The following C8orf34 variants were observed in gnomAD, a reference collection of about 807,000 sequenced individuals.
The protein encoded by C8orf34 is uncharacterized protein C8orf34.
In C8orf34, 65 loss-of-function variants were observed where a neutral mutation model predicts 68.3. The ratio of observed to expected loss-of-function variants is 0.95; its 90% CI spans 0.78 to 1.17. The LOEUF (loss-of-function observed/expected upper bound fraction) is 1.17, where lower values mean the gene tolerates loss of function less well. Among genes scored for constraint, C8orf34 ranks in the 50% most tolerant of loss-of-function variants. The pLI, the probability that C8orf34 is intolerant of heterozygous loss-of-function variation, is 0.00. For missense variants in C8orf34, 664 were observed against 655.4 expected (o/e 1.01, Z -0.14); for synonymous variants, 244 against 241.2 (o/e 1.01, Z -0.11).
At chr8:68,552,184 A>G (rs1345256614) in intron 7 of C8orf34, among the ~76,000 whole-genome samples, 1 of 152,136 alleles carries the variant, frequency 6.6e-6, no homozygotes, top group African/African-American at 2.4e-5. Flanking sequence ...GCTTTTTCAA[A>G]TTTATTTCCC....
chr8:68,615,596 T>A (rs1368516300), intron 7 of C8orf34, among the ~76,000 whole-genome samples: 1 of 152,260 alleles, frequency 6.6e-6, no homozygotes, highest in Non-Finnish European at 1.5e-5. Flanking sequence ...TTACATTTAT[T>A]GATTTGCGTA....
At chr8:68,794,653 G>C (rs924272818) in intron 12 of C8orf34, among the ~76,000 whole-genome samples, 1 of 150,586 alleles carries the variant, frequency 6.6e-6, no homozygotes, top group African/African-American at 2.5e-5. Flanking sequence ...CACCTGGCTA[G>C]TTTTTGTACT....
intron 8 of C8orf34, among the ~76,000 whole-genome samples, chr8:68,679,041 C>G (rs897318516): frequency 1.3e-5 from 2 of 152,034 alleles, no homozygotes; most frequent in Non-Finnish European, 2.9e-5. Context: ...TGGCTCCTGC[C>G]TGTAATCTCA....
At chr8:68,482,417 A>G (rs1356348) in intron 4 of C8orf34, among the ~76,000 whole-genome samples, 23 of 152,218 alleles carry the variant, frequency 1.5e-4, no homozygotes, top group African/African-American at 5.1e-4. Flanking sequence ...TTAGCAGTCT[A>G]TATAAAGGGT....
intron 7 of C8orf34, chr8:68,534,572 T>A (rs1815383186): frequency 1.1e-6 from 1 of 937,966 alleles, no homozygotes. Context: ...GACCCAGGAA[T>A]GTTTCCTAGA....
At chr8:68,360,304 G>T (rs1397942987) in intron 1 of C8orf34, among the ~76,000 whole-genome samples, 1 of 152,048 alleles carries the variant, frequency 6.6e-6, no homozygotes, top group African/African-American at 2.4e-5. Context: ...TTGATACATT[G>T]ACCATTCCAA....
intron 1 of C8orf34, among the ~76,000 whole-genome samples, chr8:68,374,292 G>A (rs573784120): frequency 4.4e-4 from 67 of 152,056 alleles, no homozygotes; most frequent in Non-Finnish European, 8.8e-4. Flanking sequence ...TTTGTATCCC[G>A]TATGGTGTGT....
At chr8:68,343,135 T>C (rs1387506241) in intron 1 of C8orf34, among the ~76,000 whole-genome samples, 1 of 152,048 alleles carries the variant, frequency 6.6e-6, no homozygotes, top group Admixed American at 6.6e-5. Flanking sequence ...CTAAATGCAA[T>C]TAGAAAATGG....
chr8:68,766,079 CAGTT>C (rs777391605), intron 10 of C8orf34, among the ~76,000 whole-genome samples: 10 of 152,140 alleles, frequency 6.6e-5, no homozygotes, highest in Non-Finnish European at 1.3e-4. Context: ...GTCCATGCAT[CAGTT>C]AGAGAAATGT....
At position 68,786,685 on chromosome 8, in the gene C8orf34, A is replaced by G. The variant is rs556987853; in HGVS notation, c.1456-758A>G. ...GGGATTGAGAGAATAGTATGATAGA[A>G]CATGTTAGACAAGTATGGATCATGC... is the stretch of plus-strand genomic sequence containing the variant. On this transcript the variant is annotated intron_variant, in intron 11 of 13. Transcript: ENST00000518698. Among the ~76,000 whole-genome samples, 150 of 152,294 alleles carry G rather than the reference A, an allele frequency of 9.8e-4. 1 individual carries two copies. The highest frequency in any genetic ancestry group is 3.5e-3 in the African/African-American group (147 of 41,572).
intron 9 of C8orf34, among the ~76,000 whole-genome samples, chr8:68,720,357 G>T (rs900782187): frequency 6.6e-6 from 1 of 151,868 alleles, no homozygotes; most frequent in Non-Finnish European, 1.5e-5. Flanking sequence ...GATTTATTAT[G>T]GATTTGGGCT....
intron 10 of C8orf34, among the ~76,000 whole-genome samples, chr8:68,764,822 G>T (rs1412079207): frequency 6.6e-6 from 1 of 152,060 alleles, no homozygotes; most frequent in African/African-American, 2.4e-5. Context: ...CAACAATTTC[G>T]CAAAGTGTTC....
intron 1 of C8orf34, among the ~76,000 whole-genome samples, chr8:68,366,621 A>C (rs2129619590): frequency 6.6e-6 from 1 of 151,606 alleles, no homozygotes; most frequent in East Asian, 2.0e-4. Flanking sequence ...GATCTTTGAT[A>C]AACCTGAGAA....
intron 8 of C8orf34, among the ~76,000 whole-genome samples, chr8:68,659,973 A>C (rs193077681): frequency 2.7e-4 from 41 of 152,302 alleles, no homozygotes; most frequent in African/African-American, 9.4e-4. Flanking sequence ...TTGACAAATA[A>C]ATTTTTTTAT....
At chr8:68,455,493 C>T (rs568653586) in intron 3 of C8orf34, among the ~76,000 whole-genome samples, 2 of 152,170 alleles carry the variant, frequency 1.3e-5, no homozygotes, top group South Asian at 4.2e-4. Context: ...TAATGCCCTT[C>T]TTTGCCTCCT....
At chr8:68,451,915 A>T (rs1393278070) in intron 3 of C8orf34, among the ~76,000 whole-genome samples, 1 of 152,104 alleles carries the variant, frequency 6.6e-6, no homozygotes, top group East Asian at 1.9e-4. Flanking sequence ...AAGCATTATA[A>T]AGTGAAATAC....
intron 5 of C8orf34, among the ~76,000 whole-genome samples, chr8:68,496,188 T>A (rs961400888): frequency 6.6e-6 from 1 of 152,168 alleles, no homozygotes; most frequent in Middle Eastern, 3.2e-3. Context: ...CCACGCAAGA[T>A]AAATATATAT....
chr8:68,550,875 T>C (rs2130049736), intron 7 of C8orf34, among the ~76,000 whole-genome samples: 1 of 151,742 alleles, frequency 6.6e-6, no homozygotes, highest in East Asian at 1.9e-4. Context: ...GTTTCCTCCC[T>C]AATGGTAAAG....
At chr8:68,755,461 A>G (rs1048261584) in intron 10 of C8orf34, among the ~76,000 whole-genome samples, 1 of 152,230 alleles carries the variant, frequency 6.6e-6, no homozygotes, top group African/African-American at 2.4e-5. Flanking sequence ...TTCTTCATAG[A>G]TATTTTGTAA....
Sources: gnomAD v4.1 joint callset for allele counts (sites outside exome capture counted in the v4.1 genomes callset) on GRCh38, gnomAD v4.1.1 for gene constraint, MANE v1.5 for transcripts, NCBI Gene and HGNC (gene_info 2026-07-23, HGNC 2026-07-21) for gene names.